Variants in THSD7A observed in about 807,000 individuals in gnomAD.
The protein encoded by THSD7A is thrombospondin type 1 domain containing 7A, also known as thrombospondin type-1 domain-containing protein 7A.
THSD7A carries 96 observed loss-of-function variants against 231.3 expected under a neutral mutation model. The ratio of observed to expected loss-of-function variants is 0.41; its 90% CI spans 0.35 to 0.49. The LOEUF (loss-of-function observed/expected upper bound fraction) is 0.49, where lower values mean the gene tolerates loss of function less well. Ranked by LOEUF, THSD7A falls within the 20% of genes least tolerant of loss-of-function variation. THSD7A has a pLI of 0.05. For synonymous variants in THSD7A, 940 were observed against 743.3 expected (o/e 1.26, Z -4.30); for missense variants, 2,290 against 2,070.2 (o/e 1.11, Z -2.06).
At chr7:11,435,123 GTTA>G (rs1057158316) in intron 13 of THSD7A, among the ~76,000 whole-genome samples, 34 of 151,966 alleles carry the variant, frequency 2.2e-4, no homozygotes, top group Non-Finnish European at 4.3e-4. Flanking sequence ...GTGAGGTTTT[GTTA>G]TTGTTATTTT....
At chr7:11,557,529 A>G (rs19) in intron 4 of THSD7A, among the ~76,000 whole-genome samples, 73,467 of 151,818 alleles carry the variant, frequency 0.48, 18,179 homozygotes, top group Admixed American at 0.6. Context: ...CTTTGATTGA[A>G]ACCCAGACAT....
chr7:11,569,186 G>T (rs1193370121), intron 4 of THSD7A, among the ~76,000 whole-genome samples: 2 of 152,024 alleles, frequency 1.3e-5, no homozygotes, highest in African/African-American at 4.8e-5. Context: ...AAACTAATGG[G>T]ACATTAGAAT....
intron 6 of THSD7A, among the ~76,000 whole-genome samples, chr7:11,509,246 G>A (rs1787689052): frequency 6.6e-6 from 1 of 152,112 alleles, no homozygotes; most frequent in African/African-American, 2.4e-5. Flanking sequence ...ATATGGACAT[G>A]TTTTGGTTTA....
At chr7:11,390,705 T>C (rs942132250) in intron 23 of THSD7A, among the ~76,000 whole-genome samples, 4 of 152,278 alleles carry the variant, frequency 2.6e-5, no homozygotes, top group Non-Finnish European at 4.4e-5. Context: ...CCTTTCGAGC[T>C]AGTTTCTCCC....
intron 4 of THSD7A, among the ~76,000 whole-genome samples, chr7:11,585,117 G>A (rs1464679103): frequency 2.0e-5 from 3 of 152,120 alleles, no homozygotes; most frequent in Admixed American, 6.6e-5. Flanking sequence ...TGCCTTTTTG[G>A]TTGAATACTT....
chr7:11,718,807 G>T (rs1056667934), intron 1 of THSD7A, among the ~76,000 whole-genome samples: 13 of 151,552 alleles, frequency 8.6e-5, no homozygotes, highest in African/African-American at 3.1e-4. Context: ...ATTTGGTCAT[G>T]ATTTTGTCCA....
Position 11,481,108 on chromosome 7 carries a change from A to G in THSD7A, c.2017+680T>C, listed in dbSNP as rs1467873939. Among the ~76,000 whole-genome samples the G allele has an allele frequency of 3.9e-5, 6 of 152,338 alleles. No individual in the cohort carries two copies. The East Asian group carries it at 1.2e-3, about 29-fold the overall frequency. On this transcript the variant is annotated intron_variant, in intron 7 of 27. Coordinates refer to ENST00000423059, the MANE Select transcript of THSD7A (RefSeq NM_015204.3). ...CCAGTCACACAGAAGCCAAATTAGCATTTGGATATCATCTTGAGAGACAAT... is the reference window on the plus strand; with the variant it reads ...CCAGTCACACAGAAGCCAAATTAGCGTTTGGATATCATCTTGAGAGACAAT...
intron 8 of THSD7A, among the ~76,000 whole-genome samples, chr7:11,472,186 A>G (rs1056641519): frequency 1.3e-5 from 2 of 152,152 alleles, no homozygotes; most frequent in African/African-American, 4.8e-5. Context: ...TTCAGTCAGC[A>G]GGCTTCTTTT....
intron 4 of THSD7A, among the ~76,000 whole-genome samples, chr7:11,544,950 G>A (rs1421785731): frequency 6.6e-6 from 1 of 151,974 alleles, no homozygotes; most frequent in East Asian, 1.9e-4. Flanking sequence ...AGCAGCCGAA[G>A]CCAAAAATGA....
chr7:11,653,137 T>A (rs1276628371), intron 1 of THSD7A, among the ~76,000 whole-genome samples: 1 of 151,966 alleles, frequency 6.6e-6, no homozygotes, highest in African/African-American at 2.4e-5. Flanking sequence ...GCCATACAGG[T>A]TTTAACTACC....
chr7:11,682,337 T>C (rs1428157984), intron 1 of THSD7A, among the ~76,000 whole-genome samples: 2 of 152,054 alleles, frequency 1.3e-5, no homozygotes, highest in Non-Finnish European at 2.9e-5. Flanking sequence ...AAAGTTAACC[T>C]TCTGCTATCT....
In THSD7A at chr7:11,447,423, G is replaced by C; in HGVS notation, c.2607C>G (p.Ala869=). The C allele has an allele frequency of 6.5e-7, 1 of 1,548,846 alleles. No individual in the cohort carries two copies. The change falls in exon 12 of 28, where the codon GCC becomes GCG. Residue 869 remains alanine (A), a splice_region_variant and synonymous_variant. Coordinates refer to ENST00000423059, the MANE Select transcript of THSD7A (RefSeq NM_015204.3). ...CTCCATCTTGCTTGCGACAAGTAAT[G>C]GCTAAAAGAAAAGCATAAAGCTGTT... is the stretch of plus-strand genomic sequence containing the variant. ...EGCGPGRQAR[A]ITCRKQDGGQ... is the part of the protein sequence containing the mutation.
In THSD7A at chr7:11,636,365, A is replaced by G. The variant is rs1336391421; in HGVS notation, c.787T>C (p.Cys263Arg). The G allele has an allele frequency of 6.2e-7, 1 of 1,613,810 alleles. No individual in the cohort carries two copies. Among genetic ancestry groups the G allele is most frequent in the Non-Finnish European group, 8.5e-7 (1 of 1,179,882 alleles). Reference sequence around the variant, plus strand: ...ACTTGTCGGGAGTGGGGCATTGAGCAGGTGCTCCAGGGCCCCACATGCAGG... The same window carrying G: ...ACTTGTCGGGAGTGGGGCATTGAGCGGGTGCTCCAGGGCCCCACATGCAGG... Reference protein sequence around the residue: ...YSLHVGPWSTCSMPHSRQVRQ... With the variant: ...YSLHVGPWSTRSMPHSRQVRQ... The change falls in exon 2 of 28, where the codon TGC becomes CGC. Residue 263 changes from cysteine to arginine, a missense_variant. Physicochemically the swap from Cys to Arg is radical, Grantham distance 180 (BLOSUM62 -3). Coordinates refer to ENST00000423059, the MANE Select transcript of THSD7A (RefSeq NM_015204.3). This position sits in a 1 kb window ranked among gnomAD's most constrained non-coding sequence, Gnocchi z 10.0.
chr7:11,427,149 G>T (rs1321520572), intron 14 of THSD7A, among the ~76,000 whole-genome samples: 1 of 152,118 alleles, frequency 6.6e-6, no homozygotes, highest in East Asian at 1.9e-4. Context: ...GAAACTCAGA[G>T]ACTGTTTTCA....
intron 1 of THSD7A, among the ~76,000 whole-genome samples, chr7:11,766,835 A>C (rs574255089): frequency 5.6e-4 from 86 of 152,310 alleles, no homozygotes; most frequent in Admixed American, 9.8e-4. Flanking sequence ...ACAGGATTAA[A>C]GAACAACCAC....
intron 1 of THSD7A, among the ~76,000 whole-genome samples, chr7:11,718,235 C>T (rs576185825): frequency 1.3e-4 from 19 of 151,650 alleles, no homozygotes; most frequent in African/African-American, 3.6e-4. Context: ...AATTTGTATG[C>T]GATCTGAGGA....
intron 1 of THSD7A, among the ~76,000 whole-genome samples, chr7:11,792,402 T>C (rs1783981841): frequency 6.6e-6 from 1 of 151,994 alleles, no homozygotes; most frequent in Admixed American, 6.6e-5. Flanking sequence ...CATGAGTCCT[T>C]AATCATCTGA....
chr7:11,665,281 T>C (rs984876010), intron 1 of THSD7A, among the ~76,000 whole-genome samples: 2 of 152,104 alleles, frequency 1.3e-5, no homozygotes, highest in African/African-American at 2.4e-5. Flanking sequence ...AAAATGTTCC[T>C]GCCCATTAAT....
intron 11 of THSD7A, among the ~76,000 whole-genome samples, chr7:11,451,190 T>C (rs1206302761): frequency 6.6e-6 from 1 of 152,020 alleles, no homozygotes; most frequent in Non-Finnish European, 1.5e-5. Flanking sequence ...CTATAACTGT[T>C]GTCAGATTAA....
Sources: gnomAD v4.1 joint callset for allele counts (sites outside exome capture counted in the v4.1 genomes callset) on GRCh38, gnomAD v4.1.1 for gene constraint, Gnocchi (gnomAD v3.1) non-coding constraint, MANE v1.5 for transcripts, NCBI Gene and HGNC (gene_info 2026-07-23, HGNC 2026-07-21) for gene names.